The following FAIM2 variants were observed in gnomAD, a reference collection of about 807,000 sequenced individuals.
FAIM2 encodes Fas apoptotic inhibitory molecule 2.
Under a neutral mutation model 47.4 loss-of-function variants are expected in FAIM2, and 27 were observed. That is an observed-to-expected ratio of 0.57 (90% CI 0.42 to 0.78). FAIM2 has a LOEUF of 0.78. FAIM2 is among the 30% of genes least tolerant of loss of function. The probability of loss-of-function intolerance (pLI) is 0.00; values close to 1 mark genes in which losing one functional copy is unlikely to be tolerated. For synonymous variants in FAIM2, 156 were observed against 159.3 expected, an observed-to-expected ratio of 0.98 and a Z score of 0.16; for missense variants, 311 against 389.4, an observed-to-expected ratio of 0.80 and a Z score of 1.69.
intron 4 of FAIM2, 124 bp downstream of exon 4, chr12:49,897,395 A>C: frequency 1.1e-6 from 1 of 889,376 alleles, no homozygotes; most frequent in South Asian, 1.5e-5. Context: ...CAGCAGGAGG[A>C]GGCCCACTGC....
intron 11 of FAIM2, among the ~76,000 whole-genome samples, chr12:49,880,474 GTGCATGTGTA>G (rs1380673799): frequency 7.2e-6 from 1 of 139,008 alleles, no homozygotes; most frequent in Non-Finnish European, 1.6e-5. Context: ...GTGTGCATGA[GTGCATGTGTA>G]TGCATGTGTA....
In FAIM2 at chr12:49,874,487, G is replaced by T. The variant is rs567174915; in HGVS notation, c.802-3834C>A. Among the ~76,000 whole-genome samples the T allele has an allele frequency of 9.2e-5, 14 of 152,296 alleles. No individual in the cohort carries two copies. In the South Asian group the frequency reaches 2.9e-3, roughly 32 times the overall value. On this transcript the variant is annotated intron_variant, in intron 11 of 11. Transcript: ENST00000320634. The surrounding 1 kb of genome is among the most constrained non-coding windows in gnomAD (Gnocchi z 4.2). ...ACAGGTGCCAAAGGCAAACTTCCCC[G>T]CCTCACTTTACTGGCCAGTGCTAAA...
At chr12:49,876,937 A>G (rs1432915123) in intron 11 of FAIM2, among the ~76,000 whole-genome samples, 2 of 152,176 alleles carry the variant, frequency 1.3e-5, no homozygotes, top group Non-Finnish European at 2.9e-5. Context: ...CAGAGCAGTC[A>G]GGTCATTTTG....
At chr12:49,880,864 G>A (rs1159409406) in intron 11 of FAIM2, among the ~76,000 whole-genome samples, 1 of 133,588 alleles carries the variant, frequency 7.5e-6, no homozygotes, top group Non-Finnish European at 1.6e-5. Flanking sequence ...ATGCATGTGT[G>A]TATATGCGTG....
intron 5 of FAIM2, among the ~76,000 whole-genome samples, chr12:49,895,032 A>C (rs1410707065): frequency 1.3e-5 from 2 of 150,772 alleles, no homozygotes; most frequent in Non-Finnish European, 3.0e-5. Flanking sequence ...CTTAGGGGGC[A>C]GGACGGAGAG....
chr12:49,887,176 C>T (rs1555159386), intron 11 of FAIM2, among the ~76,000 whole-genome samples: 1 of 152,150 alleles, frequency 6.6e-6, no homozygotes, highest in Non-Finnish European at 1.5e-5. Flanking sequence ...ACAATCTTCC[C>T]TCCTGCCCAG....
chr12:49,879,868 G>A (rs1329692717), intron 11 of FAIM2, among the ~76,000 whole-genome samples: 4 of 149,428 alleles, frequency 2.7e-5, no homozygotes, highest in Non-Finnish European at 6.0e-5. Flanking sequence ...ATGTGTATAT[G>A]TACGTGTATG....
intron 11 of FAIM2, among the ~76,000 whole-genome samples, chr12:49,880,660 A>G (rs111168146): frequency 1.3e-5 from 2 of 148,974 alleles, no homozygotes; most frequent in African/African-American, 5.0e-5. Flanking sequence ...CTGTGAGTGC[A>G]TGTGTGTGCG....
chr12:49,876,794 T>C (rs1372045067), intron 11 of FAIM2, among the ~76,000 whole-genome samples: 1 of 151,730 alleles, frequency 6.6e-6, no homozygotes, highest in Non-Finnish European at 1.5e-5. Context: ...GTAAAAGCTG[T>C]CATCGATTGA....
chr12:49,868,605 G>C lies in FAIM2; in HGVS notation c.*1899C>G, dbSNP rs531946905. The C allele has an allele frequency of 6.6e-5, 10 of 152,380 alleles. No individual in the cohort carries two copies. Among genetic ancestry groups the C allele is most frequent in the Middle Eastern group, 3.4e-3 (1 of 296 alleles). The allele number at this position is 152,380 out of a possible 1,614,324, so 9.4% of individuals were successfully genotyped here. ...CATTCCGGCCCCCACCCAGGCCCAGGGGCAAGCGTGATACCCTGTTTGCTT... is the reference window on the plus strand; with the variant it reads ...CATTCCGGCCCCCACCCAGGCCCAGCGGCAAGCGTGATACCCTGTTTGCTT... On this transcript the variant is annotated 3_prime_UTR_variant, in exon 12 of 12. Coordinates refer to ENST00000320634, the MANE Select transcript of FAIM2 (RefSeq NM_012306.4).
chr12:49,882,722 G>A (rs1044857520), intron 11 of FAIM2, among the ~76,000 whole-genome samples: 1 of 152,070 alleles, frequency 6.6e-6, no homozygotes, highest in East Asian at 1.9e-4. Context: ...TGCTCTGATT[G>A]TACCTCCGTG....
chr12:49,890,224 A>G, intron 7 of FAIM2, 70 bp from the exon 8 acceptor site: 1 of 1,438,742 alleles, frequency 7.0e-7, no homozygotes, highest in Non-Finnish European at 9.8e-7. Context: ...CTCGAGGTCC[A>G]GCTCAGGTCT....
rs612674 is a variant in FAIM2, at chr12:49,887,266, C to A, written c.801+120G>T. The A allele has an allele frequency of 0.11, 98,487 of 883,648 alleles. 6,205 individuals are homozygous for A. Among genetic ancestry groups the A allele is most frequent in the East Asian group, 0.23 (8,822 of 37,636 alleles). 54.7% of individuals were successfully genotyped at this position (883,648 alleles called of 1,614,324 possible). ...AAACGCAGCACCGAGCCTAGCCCTA[C>A]CCGCAGGTGCTCCCGAGGATCCAGG... is the stretch of plus-strand genomic sequence containing the variant. On this transcript the variant is annotated intron_variant, in intron 11 of 11. Transcript: ENST00000320634.
At chr12:49,896,936 T>A in intron 5 of FAIM2, 95 bp downstream of exon 5, 1 of 1,003,722 alleles carries the variant, frequency 1.0e-6, no homozygotes, top group South Asian at 1.3e-5. Context: ...TGGGGGAAGC[T>A]ACGGGCTCAG....
chr12:49,884,519 A>G (rs566502615), intron 11 of FAIM2, among the ~76,000 whole-genome samples: 47 of 152,252 alleles, frequency 3.1e-4, no homozygotes, highest in Admixed American at 8.5e-4. Flanking sequence ...GAGAGAGAGA[A>G]AAATTCCTGG....
intron 8 of FAIM2, 48 bp from the exon 9 acceptor site, chr12:49,889,616 T>C: frequency 2.0e-6 from 3 of 1,498,240 alleles, no homozygotes; most frequent in Non-Finnish European, 2.8e-6. Context: ...GGGCATCTGG[T>C]CTCCCCCACC....
rs1946677424 is a variant in FAIM2, at chr12:49,868,247, A to G, written c.*2257T>C. 6.6e-6 allele frequency: 1 copy of G among 152,358 alleles called. No homozygotes were observed. The highest frequency in any genetic ancestry group is 2.1e-4 in the South Asian group (1 of 4,824). The allele number at this position is 152,358 out of a possible 1,614,324, so 9.4% of individuals were successfully genotyped here. A position where few individuals can be genotyped will look rare whatever the true frequency, so the allele number is the denominator to read the frequency against. ...GGGCCCGGAGGAGAGGAGGTGGAGG[A>G]GGGTGGGAACCGGGTGAGAAAGTCA... On this transcript the variant is annotated 3_prime_UTR_variant, in exon 12 of 12. Coordinates refer to ENST00000320634, the MANE Select transcript of FAIM2 (RefSeq NM_012306.4).
At chr12:49,881,049 A>G (rs548239189) in intron 11 of FAIM2, among the ~76,000 whole-genome samples, 103 of 152,248 alleles carry the variant, frequency 6.8e-4, no homozygotes, top group Non-Finnish European at 1.1e-3. Context: ...ATGTCTCTCC[A>G]TAGTCAGTGG....
At chr12:49,903,343 G>A (rs868348040) in intron 1 of FAIM2, among the ~76,000 whole-genome samples, 1 of 152,254 alleles carries the variant, frequency 6.6e-6, no homozygotes, top group Non-Finnish European at 1.5e-5. Flanking sequence ...TTCCGTGGAG[G>A]GTGGGAAAGA....
Sources: gnomAD v4.1 joint callset for allele counts (sites outside exome capture counted in the v4.1 genomes callset) on GRCh38, gnomAD v4.1.1 for gene constraint, Gnocchi (gnomAD v3.1) non-coding constraint, MANE v1.5 for transcripts, NCBI Gene and HGNC (gene_info 2026-07-23, HGNC 2026-07-21) for gene names.